The following IGF2BP1 variants were observed in gnomAD, a reference collection of about 807,000 sequenced individuals.
IGF2BP1 encodes the protein insulin like growth factor 2 mRNA binding protein 1, also known as insulin-like growth factor 2 mRNA-binding protein 1.
In IGF2BP1, 11 loss-of-function variants were observed where a neutral mutation model predicts 74.9. The observed-to-expected ratio is 0.15, with a 90% confidence interval of 0.09 to 0.24. The LOEUF is 0.24. IGF2BP1 is among the 10% of genes least tolerant of loss of function. The pLI is 1.00. For synonymous variants in IGF2BP1, 287 were observed against 281.8 expected (o/e 1.02, Z -0.18); for missense variants, 440 against 757.4 (o/e 0.58, Z 4.92).
Position 49,025,635 on chromosome 17 carries a change from TC to T in IGF2BP1, c.256del (p.Arg86GlufsTer22), listed in dbSNP as rs771259276. ...ACTTTCAGGAGCCGGAAAATTCAAA[TC>T]CGAAATATTCCACCCCAGCTCCGAT... ...PKKQRSRKIQ[I>X]RNIPPQLRWE... On this transcript the variant is annotated frameshift_variant, in exon 3 of 15. Coordinates refer to ENST00000290341, the MANE Select transcript of IGF2BP1 (RefSeq NM_006546.4). LOFTEE classifies it high-confidence loss of function. The T allele has an allele frequency of 6.2e-7, 1 of 1,612,590 alleles. No homozygotes were observed. The highest frequency in any genetic ancestry group is 8.5e-7 in the Non-Finnish European group (1 of 1,179,754).
intron 5 of IGF2BP1, among the ~76,000 whole-genome samples, chr17:49,034,504 C>T (rs1400499148): frequency 4.6e-5 from 7 of 150,974 alleles, no homozygotes. Flanking sequence ...TTTGGGAGGC[C>T]AATGCAGGGT....
intron 2 of IGF2BP1, chr17:49,014,980 TGGGC>T: frequency 1.0e-6 from 1 of 976,322 alleles, no homozygotes; most frequent in Non-Finnish European, 1.2e-6. Flanking sequence ...CGCCTTCCAC[TGGGC>T]ACCAGCTCCA....
intron 6 of IGF2BP1, among the ~76,000 whole-genome samples, chr17:49,039,701 A>G (rs917840330): frequency 9.9e-5 from 15 of 152,198 alleles, no homozygotes; most frequent in African/African-American, 3.6e-4. Context: ...TGCTGGAATT[A>G]CAGGCGTGAG....
intron 2 of IGF2BP1, among the ~76,000 whole-genome samples, chr17:49,000,740 A>G (rs2041479068): frequency 6.6e-6 from 1 of 152,230 alleles, no homozygotes; most frequent in Non-Finnish European, 1.5e-5. Context: ...AGTGAAAAGC[A>G]AGAGAAATAG....
At chr17:48,998,107 G>A (rs2041431403) in intron 1 of IGF2BP1, among the ~76,000 whole-genome samples, 187 bp downstream of exon 1, 1 of 150,758 alleles carries the variant, frequency 6.6e-6, no homozygotes. Flanking sequence ...CCCCCGCGCA[G>A]AAACATTCGG....
intron 11 of IGF2BP1, 86 bp from the exon 12 acceptor site, chr17:49,044,905 G>C (rs2042093223): frequency 2.7e-6 from 3 of 1,129,700 alleles, no homozygotes; most frequent in Non-Finnish European, 4.0e-6. Context: ...TGGGAGTAAG[G>C]GTGGTAGAAG....
intron 14 of IGF2BP1, 122 bp from the exon 15 acceptor site, chr17:49,049,230 C>T: frequency 1.4e-6 from 1 of 717,066 alleles, no homozygotes; most frequent in Non-Finnish European, 2.4e-6. Context: ...CTTTATCTTT[C>T]TTCTGAGTCC....
At chr17:49,005,413 G>A (rs12945020) in intron 2 of IGF2BP1, among the ~76,000 whole-genome samples, 54,192 of 152,070 alleles carry the variant, frequency 0.36, 10,174 homozygotes, top group African/African-American at 0.42. Flanking sequence ...AGAGCAAACA[G>A]CTCGATGATT....
At chr17:49,020,527 C>G (rs1180724831) in intron 2 of IGF2BP1, among the ~76,000 whole-genome samples, 1 of 152,202 alleles carries the variant, frequency 6.6e-6, no homozygotes, top group African/African-American at 2.4e-5. Context: ...AATTTGAACC[C>G]AAAGCCTGTT....
At position 49,017,665 on chromosome 17, in the gene IGF2BP1, G is replaced by A. The variant is rs534573680; in HGVS notation, c.237-7953G>A. On this transcript the variant is annotated intron_variant, in intron 2 of 14. Coordinates refer to ENST00000290341, the MANE Select transcript of IGF2BP1 (RefSeq NM_006546.4). ...ACTCTGTTGCTCAGGCTGGAGTGCA[G>A]TGGCATGATATCAGCTCACCACAAC... 19 of 152,284 alleles carry A rather than the reference G, an allele frequency of 1.2e-4. 1 individual carries two copies. The highest frequency in any genetic ancestry group is 4.3e-4 in the African/African-American group (18 of 41,542). 9.4% of individuals were successfully genotyped at this position (152,284 alleles called of 1,614,324 possible).
Position 49,055,309 on chromosome 17 carries a change from G to C in IGF2BP1, c.*5865G>C, listed in dbSNP as rs1480017805. 3 of 253,644 alleles carry C rather than the reference G, an allele frequency of 1.2e-5. No homozygotes were observed. Among genetic ancestry groups the C allele is most frequent in the Non-Finnish European group, 2.2e-5 (3 of 133,964 alleles). 15.7% of individuals were successfully genotyped at this position (253,644 alleles called of 1,614,324 possible). A position where few individuals can be genotyped will look rare whatever the true frequency, so the allele number is the denominator to read the frequency against. On this transcript the variant is annotated 3_prime_UTR_variant, in exon 15 of 15. Transcript: ENST00000290341. ...GATAACGTGCTAGCTATTCCAACAG[G>C]TAACAGCTTTCACAGTCTGCCCCTG... is the stretch of plus-strand genomic sequence containing the variant.
chr17:48,999,572 C>G (rs1473843190), intron 2 of IGF2BP1, among the ~76,000 whole-genome samples: 1 of 152,124 alleles, frequency 6.6e-6, no homozygotes, highest in Non-Finnish European at 1.5e-5. Flanking sequence ...GTTTTTCCCA[C>G]TCTTTCCACA....
chr17:49,042,257 C>G lies in IGF2BP1; in HGVS notation c.957C>G (p.Thr319=), dbSNP rs1163646328. Residue 319 remains threonine (T), a synonymous_variant, in exon 9 of 15, where the codon ACC becomes ACG. Coordinates refer to ENST00000290341, the MANE Select transcript of IGF2BP1 (RefSeq NM_006546.4). ...KITISSLQDL[T]LYNPERTITV... ...TTTCTGCCAGGTTGCAAGACCTTAC[C>G]CTTTACAACCCTGAGAGGACCATCA... is the stretch of plus-strand genomic sequence containing the variant. 6.2e-7 allele frequency: 1 copy of G among 1,614,150 alleles called. No individual in the cohort carries two copies. Among genetic ancestry groups the G allele is most frequent in the African/African-American group, 1.3e-5 (1 of 75,022 alleles).
Position 49,046,550 on chromosome 17 carries a change from T to C in IGF2BP1, c.1641+177T>C, listed in dbSNP as rs143759218. ...CAGGTGCAGAAGTGGGATGTGTAGA[T>C]GACATATTACCTCTTATTACTCTCT... On this transcript the variant is annotated intron_variant, in intron 14 of 14. Coordinates refer to ENST00000290341, the MANE Select transcript of IGF2BP1 (RefSeq NM_006546.4). 1.7e-4 allele frequency among the ~76,000 whole-genome samples: 26 copies of C among 152,084 alleles called. No individual in the cohort carries two copies. The East Asian group carries it at 4.1e-3, about 24-fold the overall frequency.
rs576856721 is a variant in IGF2BP1, at chr17:49,049,483, G to C, written c.*39G>C. ...GTCCCTTCGAGTCCAGGACAACAAC[G>C]GGCAGAAATCGAGAGTGTGCTCTCC... On this transcript the variant is annotated 3_prime_UTR_variant, in exon 15 of 15. Coordinates refer to ENST00000290341, the MANE Select transcript of IGF2BP1 (RefSeq NM_006546.4). The C allele has an allele frequency of 6.4e-7, 1 of 1,567,990 alleles. No individual in the cohort carries two copies. Among genetic ancestry groups the C allele is most frequent in the African/African-American group, 1.3e-5 (1 of 74,154 alleles).
At chr17:49,028,215 G>T (rs2041881096) in intron 4 of IGF2BP1, among the ~76,000 whole-genome samples, 1 of 152,186 alleles carries the variant, frequency 6.6e-6, no homozygotes, top group South Asian at 2.1e-4. Context: ...AGTGACTTTG[G>T]TTGGACATAA....
chr17:48,998,488 TG>T (rs1299497166), intron 1 of IGF2BP1, among the ~76,000 whole-genome samples: 2 of 151,570 alleles, frequency 1.3e-5, no homozygotes, highest in African/African-American at 2.4e-5. Flanking sequence ...GATTTGAAAG[TG>T]GGGCGTGAGC....
rs2041429094 is a variant in IGF2BP1 at position 48,998,000 on chromosome 17, C to T, written c.175+80C>T. 2.7e-6 allele frequency: 4 copies of T among 1,495,090 alleles called. No individual in the cohort carries two copies. Among genetic ancestry groups the T allele is most frequent in the African/African-American group, 1.4e-5 (1 of 72,186 alleles). The allele number at this position is 1,495,090 out of a possible 1,614,324, so 92.6% of individuals were successfully genotyped here. A position where few individuals can be genotyped will look rare whatever the true frequency, so the allele number is the denominator to read the frequency against. On this transcript the variant is annotated intron_variant, in intron 1 of 14. Transcript: ENST00000290341. The surrounding 1 kb of genome is among the most constrained non-coding windows in gnomAD (Gnocchi z 4.8). ...GACCCGCACCTTCCGGTTCCTCTCC[C>T]GCCAACTCCTCTCTTCCCGGGCCTG...
At chr17:49,045,376 A>G (rs2042098462) in intron 12 of IGF2BP1, among the ~76,000 whole-genome samples, 1 of 152,194 alleles carries the variant, frequency 6.6e-6, no homozygotes, top group Non-Finnish European at 1.5e-5. Flanking sequence ...CTCATCTTTT[A>G]TGTCCCCACT....
Sources: gnomAD v4.1 joint callset for allele counts (sites outside exome capture counted in the v4.1 genomes callset) on GRCh38, gnomAD v4.1.1 for gene constraint, Gnocchi (gnomAD v3.1) non-coding constraint, MANE v1.5 for transcripts, NCBI Gene and HGNC (gene_info 2026-07-23, HGNC 2026-07-21) for gene names.